Variants in IL1RAPL2 observed in about 807,000 individuals in gnomAD.
IL1RAPL2 encodes the protein interleukin 1 receptor accessory protein like 2.
A neutral mutation model predicts 44.1 loss-of-function variants in IL1RAPL2; 3 were observed. The ratio of observed to expected loss-of-function variants is 0.07; its 90% confidence interval spans 0.03 to 0.18. The LOEUF is 0.18. Ranked by LOEUF, IL1RAPL2 falls within the 10% of genes least tolerant of loss-of-function variation. The pLI is 1.00. For synonymous variants in IL1RAPL2, 181 were observed against 178.8 expected (o/e 1.01, Z -0.10); for missense variants, 391 against 496.4 (o/e 0.79, Z 2.02).
At chrX:105,245,551 C>T (rs2034211720) in intron 4 of IL1RAPL2, among the ~76,000 whole-genome samples, 1 of 112,453 alleles carries the variant, frequency 8.9e-6, no homozygotes, top group African/African-American at 3.2e-5. Flanking sequence ...GTTCTTCTGA[C>T]ACTATATAAA....
chrX:104,911,415 A>C (rs753656502), intron 2 of IL1RAPL2, among the ~76,000 whole-genome samples: 1 of 111,780 alleles, frequency 8.9e-6, no homozygotes, highest in East Asian at 2.8e-4. Flanking sequence ...ATTATTACTC[A>C]GGTACAAGCC....
chrX:105,709,119 G>A (rs1351937052), intron 6 of IL1RAPL2, among the ~76,000 whole-genome samples: 5 of 112,092 alleles, frequency 4.5e-5, no homozygotes. Context: ...TTGTCAAGCT[G>A]AGATATGAAA....
chrX:104,686,735 C>T (rs1368561827), intron 2 of IL1RAPL2, among the ~76,000 whole-genome samples: 1 of 112,181 alleles, frequency 8.9e-6, no homozygotes, highest in African/African-American at 3.2e-5. Flanking sequence ...AACATAAATA[C>T]ACTCCCAGAG....
chrX:104,811,643 G>C (rs1285443524), intron 2 of IL1RAPL2, among the ~76,000 whole-genome samples: 5 of 110,997 alleles, frequency 4.5e-5, no homozygotes, highest in Non-Finnish European at 9.4e-5. Flanking sequence ...ATCTGATGCA[G>C]TTATTTTAGA....
chrX:104,997,608 G>T (rs1419207743), intron 2 of IL1RAPL2, among the ~76,000 whole-genome samples: 5 of 111,880 alleles, frequency 4.5e-5, no homozygotes, highest in Non-Finnish European at 9.4e-5. Context: ...AAAAGATAAT[G>T]CTGGCTTGAG....
intron 5 of IL1RAPL2, among the ~76,000 whole-genome samples, chrX:105,358,925 C>T (rs759191323): frequency 7.2e-5 from 8 of 111,711 alleles, no homozygotes; most frequent in African/African-American, 1.3e-4. Flanking sequence ...TAGTTGCCTA[C>T]GGCCTCAGCA....
Position 105,325,937 on chromosome X carries a change from A to G in IL1RAPL2, c.697+58396A>G, listed in dbSNP as rs7891743. Among the ~76,000 whole-genome samples the G allele has an allele frequency of 4.4e-3, 489 of 111,200 alleles. 5 individuals are homozygous for G. Among genetic ancestry groups the G allele is most frequent in the African/African-American group, 0.015 (461 of 30,507 alleles). ...TTAAAATCAGGTTATTTGTCTTTTT[A>G]TTATTTGAGTTATGACTTTTTATAT... is the stretch of plus-strand genomic sequence containing the variant. On this transcript the variant is annotated intron_variant, in intron 5 of 10. Transcript: ENST00000372582.
At chrX:104,653,856 A>C (rs1269698053) in intron 1 of IL1RAPL2, among the ~76,000 whole-genome samples, 1 of 110,929 alleles carries the variant, frequency 9.0e-6, no homozygotes, top group Non-Finnish European at 1.9e-5. Context: ...TCTTCCATTC[A>C]TTATTTCAGT....
chrX:105,118,495 T>G (rs1226175725), intron 2 of IL1RAPL2, among the ~76,000 whole-genome samples: 1 of 112,205 alleles, frequency 8.9e-6, no homozygotes, highest in Non-Finnish European at 1.9e-5. Flanking sequence ...AGGATTAAAT[T>G]TATTCCAAAG....
intron 2 of IL1RAPL2, among the ~76,000 whole-genome samples, chrX:105,008,681 T>C (rs746214456): frequency 6.5e-4 from 72 of 111,062 alleles, no homozygotes; most frequent in African/African-American, 1.9e-3. Flanking sequence ...CCATTCAGGA[T>C]ATAGGCATGG....
chrX:105,128,232 C>T (rs1459539611), intron 2 of IL1RAPL2, among the ~76,000 whole-genome samples: 1 of 110,041 alleles, frequency 9.1e-6, no homozygotes, highest in Non-Finnish European at 1.9e-5. Flanking sequence ...ACTGTTATTG[C>T]TCATTCTTAT....
At chrX:105,678,620 G>A (rs2037894735) in intron 6 of IL1RAPL2, among the ~76,000 whole-genome samples, 2 of 110,361 alleles carry the variant, frequency 1.8e-5, no homozygotes, top group South Asian at 7.7e-4. Flanking sequence ...TGTTCTTCAG[G>A]TTATGAAGTC....
At position 104,846,739 on chromosome X, in the gene IL1RAPL2, A is replaced by G. The variant is rs1356330780; in HGVS notation, c.82+187744A>G. 2.7e-5 allele frequency among the ~76,000 whole-genome samples: 3 copies of G among 111,861 alleles called. No homozygotes were observed. In the East Asian group the frequency reaches 8.5e-4, roughly 32 times the overall value. Reference sequence around the variant, plus strand: ...TAATGGGATGGCTGGGTCAAATGGTATTTGTAGTTCTGGATCCTTGAGGAT... The same window carrying G: ...TAATGGGATGGCTGGGTCAAATGGTGTTTGTAGTTCTGGATCCTTGAGGAT... On this transcript the variant is annotated intron_variant, in intron 2 of 10. Transcript: ENST00000372582.
chrX:105,372,853 C>T (rs901396391), intron 5 of IL1RAPL2, among the ~76,000 whole-genome samples: 3 of 112,128 alleles, frequency 2.7e-5, no homozygotes, highest in Admixed American at 9.5e-5. Context: ...TATATATGTA[C>T]CATAATATGG....
intron 2 of IL1RAPL2, among the ~76,000 whole-genome samples, chrX:104,946,324 G>C (rs767324630): frequency 3.9e-5 from 3 of 76,034 alleles, no homozygotes; most frequent in South Asian, 2.2e-3. Context: ...AGTGAGCCGA[G>C]ATTGCGCCAC....
intron 6 of IL1RAPL2, among the ~76,000 whole-genome samples, chrX:105,592,176 C>G (rs2037176793): frequency 9.0e-6 from 1 of 111,661 alleles, no homozygotes; most frequent in African/African-American, 3.3e-5. Context: ...TAATGCCTTT[C>G]TTTAATTTTT....
rs763778857 is a variant in IL1RAPL2, at chrX:105,051,082, T to C, written c.83-144393T>C. 4.4e-5 allele frequency among the ~76,000 whole-genome samples: 5 copies of C among 112,652 alleles called. No homozygotes were observed. The South Asian group carries it at 1.8e-3, about 41-fold the overall frequency. On this transcript the variant is annotated intron_variant, in intron 2 of 10. Transcript: ENST00000372582. ...CCCCATTCCAGTGGGTCTGCAGGAC[T>C]GGCAGCTGGGCCCTCAGCCTTCAGG... is the stretch of plus-strand genomic sequence containing the variant.
intron 2 of IL1RAPL2, among the ~76,000 whole-genome samples, chrX:104,734,952 G>A (rs2147574494): frequency 9.0e-6 from 1 of 111,453 alleles, no homozygotes; most frequent in Admixed American, 9.5e-5. Flanking sequence ...CTGTTTGAAT[G>A]GTAAATTATA....
intron 3 of IL1RAPL2, among the ~76,000 whole-genome samples, chrX:105,199,716 A>G (rs782228543): frequency 1.2e-4 from 13 of 112,099 alleles, no homozygotes; most frequent in Non-Finnish European, 2.3e-4. Flanking sequence ...ATAGAAGATA[A>G]AAGAATTCCA....
Sources: allele counts gnomAD v4.1 joint callset (sites outside exome capture counted in the v4.1 genomes callset), GRCh38; gene constraint gnomAD v4.1.1; transcripts MANE v1.5; gene names NCBI Gene and HGNC (gene_info 2026-07-23, HGNC 2026-07-21).